CDH12: variants seen among roughly 807,000 people sequenced by gnomAD.
CDH12 encodes cadherin 12.
In CDH12, 41 loss-of-function variants were observed where a neutral mutation model predicts 74.1. That is an observed-to-expected ratio of 0.55 (90% CI 0.43 to 0.72). The LOEUF is 0.72. CDH12 is among the 30% of genes least tolerant of loss of function. The pLI is 0.00. For missense variants in CDH12, 945 were observed against 977.2 expected, an observed-to-expected ratio of 0.97 and a Z score of 0.44; for synonymous variants, 399 against 355.0, an observed-to-expected ratio of 1.12 and a Z score of -1.39.
At chr5:22,013,326 C>T (rs1737404908) in intron 5 of CDH12, among the ~76,000 whole-genome samples, 1 of 152,132 alleles carries the variant, frequency 6.6e-6, no homozygotes, top group Non-Finnish European at 1.5e-5. Flanking sequence ...ATCACAAGAA[C>T]AGCAAGGGGC....
chr5:21,799,627 A>G (rs758012599), intron 10 of CDH12, among the ~76,000 whole-genome samples: 3 of 152,206 alleles, frequency 2.0e-5, no homozygotes, highest in Non-Finnish European at 4.4e-5. Flanking sequence ...AAAGAAGATC[A>G]TCAAACTTCT....
At chr5:22,542,683 G>C (rs1055473160) in intron 1 of CDH12, among the ~76,000 whole-genome samples, 40 of 152,186 alleles carry the variant, frequency 2.6e-4, no homozygotes, top group African/African-American at 9.4e-4. Flanking sequence ...TTCTCATGAG[G>C]TGCAAGAGCA....
At chr5:21,910,606 T>G (rs1277403285) in intron 6 of CDH12, among the ~76,000 whole-genome samples, 1 of 152,088 alleles carries the variant, frequency 6.6e-6, no homozygotes, top group East Asian at 1.9e-4. Context: ...CTGATGCTAC[T>G]GTGACCTACA....
chr5:22,030,842 G>T (rs188468072), intron 5 of CDH12, among the ~76,000 whole-genome samples: 1 of 152,114 alleles, frequency 6.6e-6, no homozygotes, highest in Non-Finnish European at 1.5e-5. Context: ...AAGATCTTTT[G>T]GATAACTTGC....
chr5:22,291,059 T>G (rs757155236), intron 3 of CDH12, among the ~76,000 whole-genome samples: 3 of 152,144 alleles, frequency 2.0e-5, no homozygotes, highest in Non-Finnish European at 4.4e-5. Flanking sequence ...CGAGGATGAT[T>G]CGGCATACAT....
chr5:22,548,415 C>T (rs550113786), intron 1 of CDH12, among the ~76,000 whole-genome samples: 42 of 152,232 alleles, frequency 2.8e-4, no homozygotes, highest in African/African-American at 9.9e-4. Flanking sequence ...TGTATTTATA[C>T]GTACCTAGAA....
intron 1 of CDH12, among the ~76,000 whole-genome samples, chr5:22,600,652 T>G (rs1736814820): frequency 6.6e-6 from 1 of 152,100 alleles, no homozygotes; most frequent in African/African-American, 2.4e-5. Flanking sequence ...TATTTGGTAT[T>G]ATTGATTTTT....
chr5:21,780,960 A>T (rs1745873562), intron 11 of CDH12, among the ~76,000 whole-genome samples: 1 of 152,126 alleles, frequency 6.6e-6, no homozygotes, highest in Non-Finnish European at 1.5e-5. Flanking sequence ...AGACTTGGGG[A>T]AAACAAAGAG....
intron 6 of CDH12, among the ~76,000 whole-genome samples, chr5:21,971,966 A>T (rs1447602052): frequency 6.6e-6 from 1 of 152,194 alleles, no homozygotes; most frequent in African/African-American, 2.4e-5. Context: ...AATTAAATAT[A>T]TTCCACAGTG....
intron 1 of CDH12, among the ~76,000 whole-genome samples, chr5:22,515,699 G>A (rs1479348303): frequency 6.6e-6 from 1 of 151,980 alleles, no homozygotes; most frequent in Non-Finnish European, 1.5e-5. Context: ...GAAATTTGAT[G>A]ATCTCTAATT....
intron 3 of CDH12, among the ~76,000 whole-genome samples, chr5:22,396,655 C>T (rs1431588152): frequency 6.6e-6 from 1 of 152,030 alleles, no homozygotes; most frequent in Non-Finnish European, 1.5e-5. Flanking sequence ...TAAATTCAGG[C>T]TTCAATGTCA....
At chr5:22,771,748 A>G (rs1195777555) in intron 1 of CDH12, among the ~76,000 whole-genome samples, 1 of 152,080 alleles carries the variant, frequency 6.6e-6, no homozygotes, top group Non-Finnish European at 1.5e-5. Flanking sequence ...AAATATGTCT[A>G]TGTCCTTATC....
At chr5:21,880,501 T>TCCTTCCTTCCTTCCTCCCTC (rs1468584598) in intron 6 of CDH12, among the ~76,000 whole-genome samples, 2 of 25,380 alleles carry the variant, frequency 7.9e-5, no homozygotes, top group Admixed American at 5.3e-4. Context: ...CTTCCTTCCT[T>TCCTTCCTTCCTTCCTCCCTC]CCTCCCTCCC....
At chr5:22,202,072 G>A (rs1189058080) in intron 4 of CDH12, among the ~76,000 whole-genome samples, 2 of 151,798 alleles carry the variant, frequency 1.3e-5, no homozygotes, top group East Asian at 3.9e-4. Flanking sequence ...AGGTTTTGAG[G>A]CGAGATTAGG....
At chr5:21,943,325 A>T (rs941343565) in intron 6 of CDH12, among the ~76,000 whole-genome samples, 7 of 152,248 alleles carry the variant, frequency 4.6e-5, no homozygotes, top group Non-Finnish European at 2.9e-5. Context: ...AGTTTACAGT[A>T]AAATTTTTAC....
At chr5:22,130,834 C>A (rs895232808) in intron 4 of CDH12, among the ~76,000 whole-genome samples, 1 of 152,020 alleles carries the variant, frequency 6.6e-6, no homozygotes, top group Non-Finnish European at 1.5e-5. Context: ...TTCTCACATG[C>A]CCTCACCATC....
chr5:22,827,016 T>C (rs569548938), intron 1 of CDH12, among the ~76,000 whole-genome samples: 13 of 152,272 alleles, frequency 8.5e-5, no homozygotes, highest in African/African-American at 3.1e-4. Context: ...CTCCAGAACA[T>C]GTAAGAGACC....
intron 5 of CDH12, among the ~76,000 whole-genome samples, chr5:21,996,887 G>C (rs1343783197): frequency 6.6e-6 from 1 of 152,078 alleles, no homozygotes. Flanking sequence ...AGCTCCAGTA[G>C]CAACACAGAA....
At chr5:22,123,131 T>C (rs1368599378) in intron 4 of CDH12, among the ~76,000 whole-genome samples, 2 of 152,162 alleles carry the variant, frequency 1.3e-5, no homozygotes, top group East Asian at 3.9e-4. Flanking sequence ...ATGATGGTAT[T>C]AGGAGGTGGG....
Sources: allele counts gnomAD v4.1 joint callset (sites outside exome capture counted in the v4.1 genomes callset), GRCh38; gene constraint gnomAD v4.1.1; transcripts MANE v1.5; gene names NCBI Gene and HGNC (gene_info 2026-07-23, HGNC 2026-07-21).